The following PPFIA2 variants were observed in gnomAD, a reference collection of about 807,000 sequenced individuals.
PPFIA2 encodes PPFI scaffold protein A2.
In PPFIA2, 46 loss-of-function variants were observed where a neutral mutation model predicts 175.5. The observed-to-expected ratio is 0.26, with a 90% CI of 0.21 to 0.34. The LOEUF is 0.34. PPFIA2 is among the 10% of genes least tolerant of loss of function. PPFIA2 has a pLI of 1.00. For synonymous variants in PPFIA2, 568 were observed against 511.4 expected (o/e 1.11, Z -1.49); for missense variants, 1,179 against 1,506.1 (o/e 0.78, Z 3.60).
At chr12:81,673,470 T>C (rs193022854) in intron 4 of PPFIA2, among the ~76,000 whole-genome samples, 3 of 152,176 alleles carry the variant, frequency 2.0e-5, no homozygotes, top group Non-Finnish European at 4.4e-5. Flanking sequence ...TATGACAAAG[T>C]GGTATATTTA....
At position 81,501,566 on chromosome 12, in the gene PPFIA2, A is replaced by G. The variant is rs149549005; in HGVS notation, c.304-43700T>C. Among the ~76,000 whole-genome samples, 142 of 152,288 alleles carry G rather than the reference A, an allele frequency of 9.3e-4. 5 individuals are homozygous for G. In the South Asian group the frequency reaches 0.024, roughly 26 times the overall value. ...AGTACCTGGCACTTACTAGATTACCAAAACACATTTATCACACGACTGAAA... is the reference window on the plus strand; with the variant it reads ...AGTACCTGGCACTTACTAGATTACCGAAACACATTTATCACACGACTGAAA... On this transcript the variant is annotated intron_variant, in intron 4 of 32. Transcript: ENST00000549396.
intron 14 of PPFIA2, among the ~76,000 whole-genome samples, chr12:81,364,306 T>C (rs2032293894): frequency 6.6e-6 from 1 of 151,808 alleles, no homozygotes; most frequent in Non-Finnish European, 1.5e-5. Flanking sequence ...TAAAAGAGGT[T>C]GTAAACCACT....
chr12:81,566,401 G>T (rs978517400), intron 4 of PPFIA2, among the ~76,000 whole-genome samples: 1 of 151,834 alleles, frequency 6.6e-6, no homozygotes, highest in Non-Finnish European at 1.5e-5. Flanking sequence ...GTGGGTGCCT[G>T]TAGTCCCAGA....
chr12:81,278,205 C>T (rs1238722093), intron 27 of PPFIA2, among the ~76,000 whole-genome samples: 4 of 152,192 alleles, frequency 2.6e-5, no homozygotes, highest in Admixed American at 6.5e-5. Flanking sequence ...ATAATTGATA[C>T]AGAATTATTG....
At chr12:81,504,362 A>T (rs144639428) in intron 4 of PPFIA2, among the ~76,000 whole-genome samples, 1 of 152,332 alleles carries the variant, frequency 6.6e-6, no homozygotes, top group Non-Finnish European at 1.5e-5. Flanking sequence ...TCTCAAAAGA[A>T]GATATTTATA....
intron 4 of PPFIA2, among the ~76,000 whole-genome samples, chr12:81,486,240 A>T (rs1410731759): frequency 1.3e-5 from 2 of 151,794 alleles, no homozygotes. Context: ...TGGCACAAAG[A>T]GTTTAAGTGA....
intron 3 of PPFIA2, among the ~76,000 whole-genome samples, chr12:81,691,095 T>C (rs1380832424): frequency 1.3e-5 from 2 of 152,028 alleles, no homozygotes; most frequent in Non-Finnish European, 2.9e-5. Context: ...GATGCAGACA[T>C]TTTGGGGGTT....
intron 4 of PPFIA2, among the ~76,000 whole-genome samples, chr12:81,656,144 T>C (rs930495629): frequency 2.6e-5 from 4 of 152,060 alleles, no homozygotes; most frequent in Non-Finnish European, 5.9e-5. Flanking sequence ...ATCATATTTG[T>C]TCTCTCTTAT....
At chr12:81,664,484 A>G (rs375084087) in intron 4 of PPFIA2, among the ~76,000 whole-genome samples, 8 of 151,976 alleles carry the variant, frequency 5.3e-5, no homozygotes, top group South Asian at 2.1e-4. Context: ...AAACCACAAT[A>G]AGATACCATC....
chr12:81,522,049 T>C (rs2063221290), intron 4 of PPFIA2, among the ~76,000 whole-genome samples: 1 of 152,332 alleles, frequency 6.6e-6, no homozygotes, highest in African/African-American at 2.4e-5. Flanking sequence ...AAATAAGTCA[T>C]TGTACATATA....
At chr12:81,649,439 T>A (rs1342958822) in intron 4 of PPFIA2, among the ~76,000 whole-genome samples, 1 of 152,198 alleles carries the variant, frequency 6.6e-6, no homozygotes, top group Non-Finnish European at 1.5e-5. Flanking sequence ...TGTGGATCAA[T>A]TTAGAATTCT....
intron 4 of PPFIA2, among the ~76,000 whole-genome samples, chr12:81,534,792 AGGAGG>A (rs2065141598): frequency 6.6e-6 from 1 of 151,724 alleles, no homozygotes; most frequent in African/African-American, 2.4e-5. Context: ...TCAGAAGTAG[AGGAGG>A]GAAGCAAGAA....
chr12:81,487,105 G>GT (rs2058912971), intron 4 of PPFIA2, among the ~76,000 whole-genome samples: 1 of 151,930 alleles, frequency 6.6e-6, no homozygotes, highest in Non-Finnish European at 1.5e-5. Flanking sequence ...ATAGCACAGT[G>GT]TGTTAAGCTT....
chr12:81,263,596 CT>C (rs1356776270), intron 30 of PPFIA2, among the ~76,000 whole-genome samples: 4 of 152,290 alleles, frequency 2.6e-5, no homozygotes, highest in Middle Eastern at 3.4e-3. Flanking sequence ...TTAAATAAAA[CT>C]TTTCATACAA....
chr12:81,502,756 T>C (rs943867696), intron 4 of PPFIA2, among the ~76,000 whole-genome samples: 1 of 152,204 alleles, frequency 6.6e-6, no homozygotes, highest in Admixed American at 6.5e-5. Flanking sequence ...ATACCACTGC[T>C]ACATTAATCT....
chr12:81,705,310 G>T (rs2076989257), intron 3 of PPFIA2, among the ~76,000 whole-genome samples: 1 of 150,826 alleles, frequency 6.6e-6, no homozygotes, highest in South Asian at 2.1e-4. Flanking sequence ...AAAAAAATTA[G>T]CTGGGCTTGG....
chr12:81,431,709 A>G (rs2048123753), intron 7 of PPFIA2, among the ~76,000 whole-genome samples: 1 of 152,166 alleles, frequency 6.6e-6, no homozygotes, highest in African/African-American at 2.4e-5. Context: ...CCTTAAACAC[A>G]GTACCTTGAC....
At chr12:81,599,701 T>C (rs1471842103) in intron 4 of PPFIA2, among the ~76,000 whole-genome samples, 2 of 152,022 alleles carry the variant, frequency 1.3e-5, no homozygotes, top group Admixed American at 6.6e-5. Flanking sequence ...GACATTAATG[T>C]GCTCTTTGTA....
In PPFIA2 at chr12:81,265,225, G is replaced by A. The variant is rs574175305; in HGVS notation, c.3555+1727C>T. Among the ~76,000 whole-genome samples, 96 of 144,274 alleles carry A rather than the reference G, an allele frequency of 6.7e-4. 3 individuals carry two copies. In the South Asian group the frequency reaches 0.019, roughly 28 times the overall value. 94.6% of individuals were successfully genotyped at this position (144,274 alleles called of 152,430 possible). A position where few individuals can be genotyped will look rare whatever the true frequency, so the allele number is the denominator to read the frequency against. On this transcript the variant is annotated intron_variant, in intron 30 of 32. Transcript: ENST00000549396. ...GGAGAATCGCTGGAACCCAGGAGACGGAGGTTGTGGTGAGCCGAGATCACA... is the reference window on the plus strand; with the variant it reads ...GGAGAATCGCTGGAACCCAGGAGACAGAGGTTGTGGTGAGCCGAGATCACA...
Sources: gnomAD v4.1 joint callset for allele counts (sites outside exome capture counted in the v4.1 genomes callset) on GRCh38, gnomAD v4.1.1 for gene constraint, MANE v1.5 for transcripts, NCBI Gene and HGNC (gene_info 2026-07-23, HGNC 2026-07-21) for gene names.